SYT1: variants seen among roughly 807,000 people sequenced by gnomAD.
SYT1 encodes synaptotagmin-1.
A neutral mutation model predicts 44.8 loss-of-function variants in SYT1; 8 were observed. That is an observed-to-expected ratio of 0.18 (90% CI 0.10 to 0.32). SYT1 has a LOEUF of 0.32. SYT1 is among the 10% of genes least tolerant of loss of function. The pLI is 1.00. For synonymous variants in SYT1, 154 were observed against 188.8 expected, an observed-to-expected ratio of 0.82 and a Z score of 1.51; for missense variants, 286 against 509.3, an observed-to-expected ratio of 0.56 and a Z score of 4.22.
chr12:79,209,015 T>G (rs748136180), intron 3 of SYT1, among the ~76,000 whole-genome samples: 5 of 152,178 alleles, frequency 3.3e-5, no homozygotes, highest in Non-Finnish European at 5.9e-5. Flanking sequence ...CCTGGGTGTT[T>G]TAGGTTAGCC....
intron 3 of SYT1, among the ~76,000 whole-genome samples, chr12:79,151,449 G>A (rs1265420671): frequency 6.6e-6 from 1 of 152,184 alleles, no homozygotes; most frequent in African/African-American, 2.4e-5. Flanking sequence ...AGACAGGTTA[G>A]AGGCACATCA....
intron 8 of SYT1, among the ~76,000 whole-genome samples, chr12:79,320,873 G>A (rs930245588): frequency 2.6e-5 from 4 of 151,540 alleles, no homozygotes; most frequent in South Asian, 2.1e-4. Flanking sequence ...GGCCCAACTC[G>A]GCCTCCCAAA....
chr12:78,870,789 A>G (rs1032506868), intron 1 of SYT1, among the ~76,000 whole-genome samples: 4 of 152,046 alleles, frequency 2.6e-5, no homozygotes, highest in Non-Finnish European at 5.9e-5. Flanking sequence ...CTCCATGCCT[A>G]CTGTGGGTAG....
intron 3 of SYT1, among the ~76,000 whole-genome samples, chr12:79,200,526 A>G (rs1183651549): frequency 6.6e-6 from 1 of 152,140 alleles, no homozygotes; most frequent in East Asian, 1.9e-4. Flanking sequence ...ATGAAAGAGT[A>G]AGAATAGCCC....
At chr12:79,119,654 T>C (rs1879486425) in intron 3 of SYT1, among the ~76,000 whole-genome samples, 1 of 150,768 alleles carries the variant, frequency 6.6e-6, no homozygotes, top group Admixed American at 6.6e-5. Flanking sequence ...TTTTGGAATT[T>C]GTTAACTAAA....
intron 3 of SYT1, among the ~76,000 whole-genome samples, chr12:79,057,434 A>G (rs1237588436): frequency 6.6e-6 from 1 of 152,040 alleles, no homozygotes; most frequent in Non-Finnish European, 1.5e-5. Context: ...CAATTTTTCA[A>G]TAGTCTGAAA....
chr12:79,197,506 G>A (rs781417707), intron 3 of SYT1, among the ~76,000 whole-genome samples: 1 of 152,002 alleles, frequency 6.6e-6, no homozygotes, highest in Non-Finnish European at 1.5e-5. Context: ...CAAAAAGAAA[G>A]TTAATAAAAA....
At chr12:78,942,060 C>G (rs1592587778) in intron 1 of SYT1, among the ~76,000 whole-genome samples, 2 of 152,176 alleles carry the variant, frequency 1.3e-5, no homozygotes, top group African/African-American at 2.4e-5. Flanking sequence ...TGTGGAGAAC[C>G]CTTCAATATG....
intron 4 of SYT1, among the ~76,000 whole-genome samples, chr12:79,234,614 A>T (rs1443506194): frequency 2.0e-5 from 3 of 151,868 alleles, no homozygotes; most frequent in African/African-American, 7.3e-5. Flanking sequence ...GTAGCATTTC[A>T]TTGAATGGAT....
At chr12:79,034,013 T>C (rs941426256) in intron 2 of SYT1, among the ~76,000 whole-genome samples, 1 of 151,520 alleles carries the variant, frequency 6.6e-6, no homozygotes, top group Non-Finnish European at 1.5e-5. Flanking sequence ...AAAAGTAGTA[T>C]GACAAATGTT....
intron 1 of SYT1, among the ~76,000 whole-genome samples, chr12:78,973,091 TACA>T (rs889411034): frequency 2.0e-5 from 3 of 152,188 alleles, no homozygotes; most frequent in Non-Finnish European, 2.9e-5. Flanking sequence ...TTTAATAAAC[TACA>T]ACAACTCTAA....
chr12:79,402,811 G>A (rs1228904092), intron 9 of SYT1, among the ~76,000 whole-genome samples: 1 of 152,166 alleles, frequency 6.6e-6, no homozygotes, highest in East Asian at 1.9e-4. Context: ...ATCCTCCAAG[G>A]AAACTCCATG....
Position 78,973,675 on chromosome 12 carries a change from T to A in SYT1, c.-216-4124T>A, listed in dbSNP as rs143315048. Among the ~76,000 whole-genome samples the A allele has an allele frequency of 1.3e-3, 192 of 151,956 alleles. 1 individual carries two copies. The highest frequency in any genetic ancestry group is 4.4e-3 in the African/African-American group (183 of 41,452). On this transcript the variant is annotated intron_variant, in intron 1 of 10. Coordinates refer to ENST00000261205, the MANE Select transcript of SYT1 (RefSeq NM_005639.3). ...AATGTGCTCCAACTTACTACACAGG[T>A]TGACCTTGCATAAAAGTAACTTTAC... is the stretch of plus-strand genomic sequence containing the variant.
At position 79,444,223 on chromosome 12, in the gene SYT1, C is replaced by T. The variant is rs201838491; in HGVS notation, c.1062+17C>T. ...CAAATCCAGGTAATGTCAAACATAA[C>T]TTTGTCTTCCCACTCAATTTCATTC... On this transcript the variant is annotated intron_variant, in intron 10 of 10. Transcript: ENST00000261205. 1.1e-4 allele frequency: 172 copies of T among 1,611,538 alleles called. No homozygotes were observed. The African/African-American group carries it at 2.0e-3, about 19-fold the overall frequency.
At chr12:78,891,157 GT>G (rs1332422202) in intron 1 of SYT1, among the ~76,000 whole-genome samples, 25 of 151,818 alleles carry the variant, frequency 1.6e-4, no homozygotes, top group African/African-American at 6.0e-4. Flanking sequence ...CTCTTGATAT[GT>G]AGTTATTAAG....
intron 1 of SYT1, among the ~76,000 whole-genome samples, chr12:78,892,400 C>T (rs905681091): frequency 6.6e-6 from 1 of 151,506 alleles, no homozygotes; most frequent in African/African-American, 2.4e-5. Context: ...TCAGTCACTG[C>T]TATTATAAAA....
At position 78,914,088 on chromosome 12, in the gene SYT1, AGAT is replaced by A. The variant is rs1045398149; in HGVS notation, c.-217+48983_-217+48985del. Among the ~76,000 whole-genome samples, 20 of 111,874 alleles carry A rather than the reference AGAT, an allele frequency of 1.8e-4. 1 individual carries two copies. In the South Asian group the frequency reaches 3.7e-3, roughly 20 times the overall value. The allele number at this position is 111,874 out of a possible 152,430, so 73.4% of individuals were successfully genotyped here. On this transcript the variant is annotated intron_variant, in intron 1 of 10. Transcript: ENST00000261205. The stretch of plus-strand genomic sequence containing the variant: ...TATAGGTAAATTTATCAAAATAAAA[AGAT>A]GATATTAATGTTCAATTAATTATTC...
At chr12:78,964,413 C>T (rs978909605) in intron 1 of SYT1, among the ~76,000 whole-genome samples, 4 of 152,052 alleles carry the variant, frequency 2.6e-5, no homozygotes, top group Non-Finnish European at 5.9e-5. Flanking sequence ...TTATGTGCTA[C>T]TATTTTCTTT....
chr12:78,969,599 G>T (rs1021680332), intron 1 of SYT1, among the ~76,000 whole-genome samples: 1 of 152,172 alleles, frequency 6.6e-6, no homozygotes, highest in Non-Finnish European at 1.5e-5. Context: ...GGGATTGGAA[G>T]GAGTAGCTTG....
Sources: gnomAD v4.1 joint callset for allele counts (sites outside exome capture counted in the v4.1 genomes callset) on GRCh38, gnomAD v4.1.1 for gene constraint, MANE v1.5 for transcripts, NCBI Gene and HGNC (gene_info 2026-07-23, HGNC 2026-07-21) for gene names.